DNAJC13: variants seen among roughly 807,000 people sequenced by gnomAD.
The protein encoded by DNAJC13 is DnaJ heat shock protein family (Hsp40) member C13.
Under a neutral mutation model 290.5 loss-of-function variants are expected in DNAJC13, and 75 were observed. That is an observed-to-expected ratio of 0.26 (90% CI 0.21 to 0.31). DNAJC13 has a LOEUF of 0.31. DNAJC13 is among the 10% of genes least tolerant of loss of function. The pLI is 1.00. For synonymous variants in DNAJC13, 862 were observed against 892.0 expected (o/e 0.97, Z 0.60); for missense variants, 2,260 against 2,674.5 (o/e 0.85, Z 3.42).
intron 17 of DNAJC13, among the ~76,000 whole-genome samples, chr3:132,465,563 C>G (rs893660102): frequency 1.6e-4 from 24 of 152,168 alleles, no homozygotes; most frequent in African/African-American, 5.5e-4. Flanking sequence ...TCTGATCTTG[C>G]CAAAACGGTT....
At position 132,447,191 on chromosome 3, in the gene DNAJC13, C is replaced by T. The variant is rs888533605; in HGVS notation, c.145-130C>T. 7.7e-6 allele frequency: 6 copies of T among 774,662 alleles called. No individual in the cohort carries two copies. The South Asian group carries it at 1.8e-4, about 24-fold the overall frequency. 48.0% of individuals were successfully genotyped at this position (774,662 alleles called of 1,614,324 possible). On this transcript the variant is annotated intron_variant, in intron 3 of 55. Transcript: ENST00000260818. ...AATTTTTTACAGAATTACTGTAAGA[C>T]ACAATTTCTAGACTCTATTTTATAA... is the stretch of plus-strand genomic sequence containing the variant.
chr3:132,458,514 A>G (rs1263041376), intron 13 of DNAJC13, among the ~76,000 whole-genome samples: 2 of 152,128 alleles, frequency 1.3e-5, no homozygotes, highest in Non-Finnish European at 2.9e-5. Flanking sequence ...GAAATTGCAA[A>G]GTTCTTAGGA....
At chr3:132,472,173 C>G (rs1176630173) in intron 20 of DNAJC13, among the ~76,000 whole-genome samples, 1 of 151,828 alleles carries the variant, frequency 6.6e-6, no homozygotes, top group African/African-American at 2.4e-5. Flanking sequence ...TGCAGTGAGC[C>G]GAGATGGCAG....
In DNAJC13 at chr3:132,462,368, C is replaced by T. The variant is rs1410776065; in HGVS notation, c.1714-99C>T. ...CCTTTACTAATTTTGTGGCTTATAC[C>T]TTGTGTAAAAATGTATACCCTTCTT... On this transcript the variant is annotated intron_variant, in intron 15 of 55. Coordinates refer to ENST00000260818, the MANE Select transcript of DNAJC13 (RefSeq NM_015268.4). 7 of 1,161,334 alleles carry T rather than the reference C, an allele frequency of 6.0e-6. No homozygotes were observed. In the Admixed American group the frequency reaches 6.7e-5, roughly 11 times the overall value. 71.9% of individuals were successfully genotyped at this position (1,161,334 alleles called of 1,614,324 possible). A position where few individuals can be genotyped will look rare whatever the true frequency, so the allele number is the denominator to read the frequency against.
At chr3:132,442,127 G>GT (rs1933091722) in intron 2 of DNAJC13, among the ~76,000 whole-genome samples, 1 of 126,426 alleles carries the variant, frequency 7.9e-6, no homozygotes, top group Non-Finnish European at 1.7e-5. Context: ...AATGCCATAT[G>GT]TTAAAAAAAA....
At chr3:132,446,763 T>C (rs1933256162) in intron 3 of DNAJC13, among the ~76,000 whole-genome samples, 1 of 151,944 alleles carries the variant, frequency 6.6e-6, no homozygotes, top group African/African-American at 2.4e-5. Flanking sequence ...TCTAGGGCTC[T>C]CAAGGGTATA....
At chr3:132,469,267 G>A (rs1479159376) in intron 20 of DNAJC13, among the ~76,000 whole-genome samples, 2 of 152,192 alleles carry the variant, frequency 1.3e-5, no homozygotes, top group East Asian at 1.9e-4. Context: ...ATCTTATGCT[G>A]TAGTTAGAGT....
chr3:132,466,454 T>A (rs1933989035), intron 19 of DNAJC13, 60 bp downstream of exon 19: 1 of 1,353,010 alleles, frequency 7.4e-7, no homozygotes, highest in Non-Finnish European at 9.8e-7. Context: ...TATATATATG[T>A]CTTTTTTTGA....
intron 55 of DNAJC13, chr3:132,537,335 T>C (rs1240955384): frequency 2.3e-6 from 1 of 426,548 alleles, no homozygotes; most frequent in Non-Finnish European, 4.7e-6. Flanking sequence ...CAATGTTCCT[T>C]AGTTGTTTGC....
intron 4 of DNAJC13, 25 bp downstream of exon 4, chr3:132,447,495 TA>T: frequency 6.5e-7 from 1 of 1,530,324 alleles, no homozygotes; most frequent in Middle Eastern, 1.8e-4. Context: ...TGTTCATAAA[TA>T]AAATTTCTTT....
intron 39 of DNAJC13, among the ~76,000 whole-genome samples, chr3:132,501,692 C>G (rs972815692): frequency 1.1e-4 from 16 of 152,102 alleles, no homozygotes; most frequent in African/African-American, 3.9e-4. Context: ...TCCAGACCTG[C>G]TGAGGAAGGT....
chr3:132,424,378 A>C (rs1939038486), intron 1 of DNAJC13, among the ~76,000 whole-genome samples: 2 of 152,142 alleles, frequency 1.3e-5, no homozygotes, highest in Admixed American at 1.3e-4. Context: ...TCAATACTTG[A>C]TTTATACTGT....
At chr3:132,466,779 A>G (rs1934005220) in intron 19 of DNAJC13, among the ~76,000 whole-genome samples, 1 of 152,226 alleles carries the variant, frequency 6.6e-6, no homozygotes, top group Admixed American at 6.5e-5. Flanking sequence ...ACGGCCAACC[A>G]TGAAAAAAGT....
intron 35 of DNAJC13, among the ~76,000 whole-genome samples, chr3:132,495,506 G>C (rs932471867): frequency 2.0e-5 from 3 of 152,124 alleles, no homozygotes; most frequent in South Asian, 4.1e-4. Flanking sequence ...TGATACCATT[G>C]CTATTCAGAT....
chr3:132,502,373 G>T lies in DNAJC13; in HGVS notation c.4621G>T (p.Ala1541Ser). The part of the protein sequence containing the change: ...DFWLQTHLFQ[A>S]GILWYLLGFL... ...CTGGCTACAGACACACCTATTTCAG[G>T]CTGGAATTTTGTGGTATCTCCTTGG... Residue 1541 changes from alanine to serine, a missense_variant, in exon 40 of 56, where the codon GCT becomes TCT. Ala to Ser is a moderately conservative substitution (Grantham distance 99). Coordinates refer to ENST00000260818, the MANE Select transcript of DNAJC13 (RefSeq NM_015268.4). 1 of 1,613,952 alleles carries T rather than the reference G, an allele frequency of 6.2e-7. No homozygotes were observed. Among genetic ancestry groups the T allele is most frequent in the Non-Finnish European group, 8.5e-7 (1 of 1,179,944 alleles).
intron 43 of DNAJC13, among the ~76,000 whole-genome samples, chr3:132,509,146 C>A (rs900009836): frequency 1.3e-5 from 2 of 152,180 alleles, no homozygotes; most frequent in Non-Finnish European, 2.9e-5. Flanking sequence ...AAATTGAAAA[C>A]CTTCTGGAAA....
chr3:132,454,471 G>A (rs532661092), intron 9 of DNAJC13, among the ~76,000 whole-genome samples: 105 of 151,560 alleles, frequency 6.9e-4, no homozygotes, highest in Non-Finnish European at 9.6e-4. Context: ...ACAGGTGTGC[G>A]CCACCACGCC....
At chr3:132,481,012 A>G (rs2107695656) in intron 26 of DNAJC13, among the ~76,000 whole-genome samples, 1 of 152,308 alleles carries the variant, frequency 6.6e-6, no homozygotes, top group Non-Finnish European at 1.5e-5. Context: ...ATACCATTAC[A>G]ACAGGTACTG....
At position 132,507,243 on chromosome 3, in the gene DNAJC13, T is replaced by G. The variant is rs773782921; in HGVS notation, c.5005T>G (p.Cys1669Gly). Residue 1669 changes from cysteine (C) to glycine (G), a missense_variant, in exon 43 of 56, where the codon TGT becomes GGT. This residue lies in a region of DNAJC13 where 1,494 missense variants were observed against 1,693.7 expected (regional missense o/e 0.88). Transcript: ENST00000260818. Reference sequence around the variant, plus strand: ...TTTTTCATCTTTTAAAAAGGGTGATTGTGACAAAACTTATGGATCAGAATT... The same window carrying G: ...TTTTTCATCTTTTAAAAAGGGTGATGGTGACAAAACTTATGGATCAGAATT... ...QQENMIKKGD[C>G]DKTYGSEFVY... 6.2e-7 allele frequency: 1 copy of G among 1,603,478 alleles called. No homozygotes were observed.
Sources: allele counts gnomAD v4.1 joint callset (sites outside exome capture counted in the v4.1 genomes callset), GRCh38; gene constraint gnomAD v4.1.1; regional missense constraint gnomAD v4.1.1; transcripts MANE v1.5; gene names NCBI Gene and HGNC (gene_info 2026-07-23, HGNC 2026-07-21).